Variants in POLR1E observed in about 807,000 individuals in gnomAD.
POLR1E encodes the protein RNA polymerase I subunit E.
POLR1E carries 37 observed loss-of-function variants against 50.9 expected under a neutral mutation model. The observed-to-expected ratio is 0.73, with a 90% confidence interval of 0.56 to 0.96. The LOEUF (loss-of-function observed/expected upper bound fraction) is 0.96. Ranked by LOEUF, POLR1E falls within the 40% of genes least tolerant of loss-of-function variation. The probability of loss-of-function intolerance (pLI) is 0.00; values close to 1 mark genes in which losing one functional copy is unlikely to be tolerated. For missense variants in POLR1E, 426 were observed against 518.1 expected (o/e 0.82, Z 1.73); for synonymous variants, 166 against 191.6 (o/e 0.87, Z 1.10).
intron 4 of POLR1E, chr9:37,490,983 A>G (rs979012153): frequency 3.5e-6 from 1 of 282,944 alleles, no homozygotes. Flanking sequence ...AGGTTTTAGA[A>G]TTTCTGGTAG....
intron 11 of POLR1E, among the ~76,000 whole-genome samples, chr9:37,502,583 T>C (rs1056293221): frequency 3.0e-4 from 45 of 152,190 alleles, no homozygotes; most frequent in African/African-American, 1.1e-3. Context: ...AGAGGGTGTC[T>C]AGGAGAGCCT....
chr9:37,486,373 C>T, intron 1 of POLR1E: 2 of 1,489,026 alleles, frequency 1.3e-6, no homozygotes, highest in Non-Finnish European at 1.8e-6. Context: ...CCCCCTCACC[C>T]ACCAGGTCTC....
intron 4 of POLR1E, chr9:37,490,641 C>T (rs1820667451): frequency 1.4e-6 from 1 of 725,652 alleles, no homozygotes; most frequent in Non-Finnish European, 2.5e-6. Flanking sequence ...CACACTAATT[C>T]TCTTGGCAAG....
At chr9:37,500,729 T>C (rs1820871735) in intron 9 of POLR1E, 111 bp from the exon 10 acceptor site, 1 of 749,794 alleles carries the variant, frequency 1.3e-6, no homozygotes, top group South Asian at 1.7e-5. Flanking sequence ...TCTTACCACC[T>C]GGTTCTGGTC....
At chr9:37,487,997 C>T (rs1783353876) in intron 3 of POLR1E, 58 bp downstream of exon 3, 4 of 1,525,404 alleles carry the variant, frequency 2.6e-6, no homozygotes, top group Admixed American at 1.7e-5. Context: ...GGTGGCAGCA[C>T]TGGCACTGCT....
intron 11 of POLR1E, among the ~76,000 whole-genome samples, chr9:37,502,194 A>G (rs1411022472): frequency 6.6e-6 from 1 of 152,204 alleles, no homozygotes; most frequent in African/African-American, 2.4e-5. Context: ...TGTTCTGAAT[A>G]ACCAGGCAGC....
At chr9:37,490,836 TA>T (rs750328259) in intron 4 of POLR1E, 9 of 582,018 alleles carry the variant, frequency 1.5e-5, no homozygotes, top group Non-Finnish European at 2.0e-5. Flanking sequence ...CCATGTTTTC[TA>T]AAAGGTCTAG....
In POLR1E at chr9:37,486,007, C is replaced by T. The variant is rs534029120; in HGVS notation, c.-41C>T. 1.7e-5 allele frequency: 27 copies of T among 1,575,270 alleles called. No homozygotes were observed. The highest frequency in any genetic ancestry group is 2.1e-5 in the Non-Finnish European group (24 of 1,162,514). On this transcript the variant is annotated 5_prime_UTR_variant, in exon 1 of 12. Coordinates refer to ENST00000377798, the MANE Select transcript of POLR1E (RefSeq NM_022490.4). ...GTGTTTAAAAGTGCGCTTGTGGCTG[C>T]TGCTGTCTTAACTCCTGTGCTTGGC... is the stretch of plus-strand genomic sequence containing the variant.
intron 4 of POLR1E, chr9:37,492,377 C>T: frequency 8.6e-7 from 1 of 1,162,304 alleles, no homozygotes. Context: ...TGACCTGGGG[C>T]AAGTAATTTC....
At chr9:37,496,618 T>C (rs1270015507) in intron 8 of POLR1E, among the ~76,000 whole-genome samples, 124 of 85,064 alleles carry the variant, frequency 1.5e-3, no homozygotes, top group African/African-American at 4.4e-3. Flanking sequence ...TTATTATTAT[T>C]ATTTCTTTTT....
At position 37,486,689 on chromosome 9, in the gene POLR1E, C is replaced by A. The variant is rs1220896869; in HGVS notation, c.77-14C>A. ...CTTCTGCTCTCATCTCATTCTTGGG[C>A]TGCACTCTTACAGTCCAGTTCTCCA... On this transcript the variant is annotated splice_polypyrimidine_tract_variant and intron_variant, in intron 1 of 11. Transcript: ENST00000377798. 1.2e-6 allele frequency: 2 copies of A among 1,614,236 alleles called. No homozygotes were observed. Among genetic ancestry groups the A allele is most frequent in the Admixed American group, 3.3e-5 (2 of 60,030 alleles).
Position 37,503,046 on chromosome 9 carries a change from G to T in POLR1E, c.1104G>T (p.Met368Ile), listed in dbSNP as rs139851221. Residue 368 changes from methionine (M) to isoleucine (I), a missense_variant, in exon 12 of 12, where the codon ATG becomes ATT. Physicochemically the swap from Met to Ile is conservative, Grantham distance 10 (BLOSUM62 1). Coordinates refer to ENST00000377798, the MANE Select transcript of POLR1E (RefSeq NM_022490.4). ...QRDLKLSEKR[M>I]MEIAKAMRLK... Reference sequence around the variant, plus strand: ...CTTCTGTTTATGTCTTCCTTAGGATGATGGAGATAGCCAAAGCCATGAGGC... The same window carrying T: ...CTTCTGTTTATGTCTTCCTTAGGATTATGGAGATAGCCAAAGCCATGAGGC... 9.3e-6 allele frequency: 15 copies of T among 1,611,424 alleles called. No individual in the cohort carries two copies. The highest frequency in any genetic ancestry group is 1.3e-5 in the Non-Finnish European group (15 of 1,178,732).
chr9:37,488,030 A>G, intron 3 of POLR1E, 91 bp downstream of exon 3: 1 of 1,315,080 alleles, frequency 7.6e-7, no homozygotes, highest in Admixed American at 1.8e-5. Flanking sequence ...TTTTAAGGGT[A>G]GCAGGAGCCA....
intron 6 of POLR1E, 93 bp downstream of exon 6, chr9:37,493,796 G>A: frequency 7.6e-7 from 1 of 1,322,044 alleles, no homozygotes; most frequent in Non-Finnish European, 1.0e-6. Flanking sequence ...GGAATGCTGG[G>A]AGCTAGGGCT....
At position 37,485,951 on chromosome 9, in the gene POLR1E, T is replaced by C; in HGVS notation, c.-97T>C. 2 of 1,487,258 alleles carry C rather than the reference T, an allele frequency of 1.3e-6. No homozygotes were observed. Among genetic ancestry groups the C allele is most frequent in the Admixed American group, 2.0e-5 (1 of 50,246 alleles). 92.1% of individuals were successfully genotyped at this position (1,487,258 alleles called of 1,614,324 possible). A position where few individuals can be genotyped will look rare whatever the true frequency, so the allele number is the denominator to read the frequency against. ...GCGGTGCCCGGCGGGGCCACGCCTT[T>C]TCCGGCCCGCAGCGCGGCCTGGGCT... On this transcript the variant is annotated 5_prime_UTR_variant, in exon 1 of 12. Coordinates refer to ENST00000377798, the MANE Select transcript of POLR1E (RefSeq NM_022490.4).
At chr9:37,498,328 A>C in intron 9 of POLR1E, 104 bp downstream of exon 9, 3 of 1,268,600 alleles carry the variant, frequency 2.4e-6, no homozygotes, top group East Asian at 2.4e-5. Flanking sequence ...ATGTCTGTCC[A>C]AGTCTTTACT....
At chr9:37,488,068 G>A in intron 3 of POLR1E, 129 bp downstream of exon 3, 1 of 844,374 alleles carries the variant, frequency 1.2e-6, no homozygotes, top group South Asian at 1.6e-5. Flanking sequence ...GGTGATCCCT[G>A]TGTTCCTATT....
In POLR1E at chr9:37,493,627, C is replaced by A; in HGVS notation, c.471C>A (p.Asn157Lys). 1 of 1,610,238 alleles carries A rather than the reference C, an allele frequency of 6.2e-7. No homozygotes were observed. The highest frequency in any genetic ancestry group is 1.1e-5 in the South Asian group (1 of 90,422). The stretch of plus-strand genomic sequence containing the variant: ...GAGCTCTGAACACCAGGAGAATGAA[C>A]AGAGTTGGCAATGAATCTTTGAATC... ...QKRALNTRRMNRVGNESLNRA... is the reference protein window; with the variant it reads ...QKRALNTRRMKRVGNESLNRA... Residue 157 changes from asparagine (N) to lysine (K), a missense_variant, in exon 6 of 12, where the codon AAC (asparagine) becomes AAA (lysine). Transcript: ENST00000377798.
intron 9 of POLR1E, among the ~76,000 whole-genome samples, chr9:37,499,894 A>C: frequency 6.7e-6 from 1 of 148,714 alleles, no homozygotes; most frequent in Non-Finnish European, 1.5e-5. Flanking sequence ...TCTGTCGCCC[A>C]GGCTGGAGTG....
Sources: allele counts gnomAD v4.1 joint callset (sites outside exome capture counted in the v4.1 genomes callset), GRCh38; gene constraint gnomAD v4.1.1; transcripts MANE v1.5; gene names NCBI Gene and HGNC (gene_info 2026-07-23, HGNC 2026-07-21).